The following C12orf71 variants were observed in gnomAD, a reference collection of about 807,000 sequenced individuals.
C12orf71 encodes uncharacterized protein C12orf71.
C12orf71 carries 10 observed loss-of-function variants against 11.7 expected under a neutral mutation model. That is an observed-to-expected ratio of 0.86 (90% confidence interval 0.53 to 1.45). The LOEUF is 1.45. Among genes scored for constraint, C12orf71 ranks in the 40% most tolerant of loss-of-function variants. The pLI is 0.00. For missense variants in C12orf71, 293 were observed against 325.8 expected, an observed-to-expected ratio of 0.90 and a Z score of 0.78; for synonymous variants, 110 against 123.4, an observed-to-expected ratio of 0.89 and a Z score of 0.72.
upstream of C12orf71, among the ~76,000 whole-genome samples, chr12:27,083,162 G>A (rs1325657688): frequency 6.6e-6 from 1 of 152,034 alleles, no homozygotes; most frequent in Non-Finnish European, 1.5e-5. Flanking sequence ...GAAAGGTCTT[G>A]ACCTGACCTC....
rs1433889121 is a variant in C12orf71 at position 27,082,149 on chromosome 12, T to G, written c.335A>C (p.Asp112Ala). The G allele has an allele frequency of 6.2e-7, 1 of 1,613,852 alleles. No individual in the cohort carries two copies. Among genetic ancestry groups the G allele is most frequent in the South Asian group, 1.1e-5 (1 of 91,034 alleles). ...DSRANRLLNG[D>A]NLWIDKLPKE... ...TGGTAACTTGTCTATCCACAGGTTG[T>G]CTCCATTTAGAAGCCTATTAGCTCT... The change falls in exon 1 of 2, where the codon GAC becomes GCC. Residue 112 changes from aspartate (D) to alanine (A), a missense_variant. Asp to Ala is a moderately radical substitution (Grantham distance 126, BLOSUM62 -2). Coordinates refer to ENST00000429849, the MANE Select transcript of C12orf71 (RefSeq NM_001080406.2).
At chr12:27,083,107 A>AT (rs1941951383), upstream of C12orf71, among the ~76,000 whole-genome samples, 1 of 151,682 alleles carries the variant, frequency 6.6e-6, no homozygotes, top group Admixed American at 6.6e-5. Context: ...TGCCCAGCTA[A>AT]TTTTTTGTAT....
Position 27,082,378 on chromosome 12 carries a change from C to T in C12orf71, c.106G>A (p.Glu36Lys), listed in dbSNP as rs889074014. Residue 36 changes from glutamate to lysine, a missense_variant, in exon 1 of 2, where the codon GAG becomes AAG. Physicochemically the swap from Glu to Lys is moderately conservative, Grantham distance 56. Coordinates refer to ENST00000429849, the MANE Select transcript of C12orf71 (RefSeq NM_001080406.2). The stretch of plus-strand genomic sequence containing the variant: ...GCATCTTCCCAGGAGGTTGTGTCCT[C>T]ACAGGGGGTGTCCTCACAGGGGAAA... ...GYFPCEDTPC[E>K]DTTSWEDAPS... 6.3e-7 allele frequency: 1 copy of T among 1,582,624 alleles called. No individual in the cohort carries two copies. Among genetic ancestry groups the T allele is most frequent in the Non-Finnish European group, 8.6e-7 (1 of 1,167,548 alleles).
chr12:27,081,990 C>A lies in C12orf71; in HGVS notation c.494G>T (p.Gly165Val). Residue 165 changes from glycine (G) to valine (V), a missense_variant, in exon 1 of 2, where the codon GGC becomes GTC. By Grantham distance (109) the Gly-to-Val change is moderately radical (BLOSUM62 -3). Transcript: ENST00000429849. ...TAQQDFQLSSGSPPEMVQMIS... is the reference protein window; with the variant it reads ...TAQQDFQLSSVSPPEMVQMIS... ...GACCTGAACCATTTCCGGAGGGGAG[C>A]CGCTGGATAGCTGGAAATCTTGCTG... The A allele has an allele frequency of 6.3e-7, 1 of 1,583,966 alleles. No individual in the cohort carries two copies. Among genetic ancestry groups the A allele is most frequent in the African/African-American group, 1.3e-5 (1 of 74,544 alleles).
At position 27,082,021 on chromosome 12, in the gene C12orf71, T is replaced by A. The variant is rs1356696589; in HGVS notation, c.463A>T (p.Thr155Ser). 6.3e-7 allele frequency: 1 copy of A among 1,591,680 alleles called. No homozygotes were observed. Among genetic ancestry groups the A allele is most frequent in the Admixed American group, 1.8e-5 (1 of 56,538 alleles). Residue 155 changes from threonine (T) to serine (S), a missense_variant, in exon 1 of 2, where the codon ACT (threonine) becomes TCT (serine). Transcript: ENST00000429849. ...LKDDDAVFPE[T>S]AQQDFQLSSG... is the part of the protein sequence containing the mutation. Reference sequence around the variant, plus strand: ...GATAGCTGGAAATCTTGCTGAGCAGTTTCAGGAAATACAGCGTCATCATCT... The same window carrying A: ...GATAGCTGGAAATCTTGCTGAGCAGATTCAGGAAATACAGCGTCATCATCT...
At position 27,081,178 on chromosome 12, in the gene C12orf71, A is replaced by G; in HGVS notation, c.806T>C (p.Ile269Thr). The G allele has an allele frequency of 1.9e-6, 3 of 1,607,634 alleles. No individual in the cohort carries two copies. The highest frequency in any genetic ancestry group is 1.7e-6 in the Non-Finnish European group (2 of 1,175,566). Reference sequence around the variant, plus strand: ...CCAAAAAGTTTAAAAATCTGTCTATATGGGATGTCCTAATTCAAGGGTTTC... The same window carrying G: ...CCAAAAAGTTTAAAAATCTGTCTATGTGGGATGTCCTAATTCAAGGGTTTC... ...PQETLELGHPI is the reference protein window; with the variant it reads ...PQETLELGHPT Residue 269 changes from isoleucine to threonine, a missense_variant, in exon 2 of 2, where the codon ATA becomes ACA. Coordinates refer to ENST00000429849, the MANE Select transcript of C12orf71 (RefSeq NM_001080406.2).
At chr12:27,083,920 G>A (rs1393590548), upstream of C12orf71, among the ~76,000 whole-genome samples, 1 of 152,230 alleles carries the variant, frequency 6.6e-6, no homozygotes, top group Admixed American at 6.5e-5. Context: ...CCCAGAGTAA[G>A]TAGGGCTGGA....
At chr12:27,082,683 C>T (rs1941947929), upstream of C12orf71, among the ~76,000 whole-genome samples, 1 of 150,942 alleles carries the variant, frequency 6.6e-6, no homozygotes, top group South Asian at 2.1e-4. Flanking sequence ...GATCTTGGCT[C>T]ACTGCAACCT....
rs1301433935 is a variant in C12orf71, at chr12:27,081,259, T to C, written c.725A>G (p.His242Arg). ...DHPVNATKSP[H>R]RSAPTKRLFH... ...GAGTCTTTTCGTTGGTGCTGACCGATGGGGACTTTTGGTGGCATTCACAGG... is the reference window on the plus strand; with the variant it reads ...GAGTCTTTTCGTTGGTGCTGACCGACGGGGACTTTTGGTGGCATTCACAGG... The change falls in exon 2 of 2, where the codon CAT (histidine) becomes CGT (arginine). Residue 242 changes from histidine (H) to arginine (R), a missense_variant. Coordinates refer to ENST00000429849, the MANE Select transcript of C12orf71 (RefSeq NM_001080406.2). The C allele has an allele frequency of 1.9e-6, 3 of 1,613,964 alleles. No individual in the cohort carries two copies. The Admixed American group carries it at 5.0e-5, about 27-fold the overall frequency.
At position 27,082,105 on chromosome 12, in the gene C12orf71, A is replaced by G; in HGVS notation, c.379T>C (p.Ser127Pro). 2 of 1,612,698 alleles carry G rather than the reference A, an allele frequency of 1.2e-6. No individual in the cohort carries two copies. The highest frequency in any genetic ancestry group is 1.7e-6 in the Non-Finnish European group (2 of 1,179,242). ...ACAAGATTATTCAGTTTGCCAACAG[A>G]CAGTTTTGTTCTCTCTTTTGGTAAC... ...DKLPKERTKL[S>P]VGKLNNLVQE... Residue 127 changes from serine (S) to proline (P), a missense_variant, in exon 1 of 2, where the codon TCT (serine) becomes CCT (proline). Ser to Pro is a moderately conservative substitution (Grantham distance 74, BLOSUM62 -1). Transcript: ENST00000429849.
rs1941940224 is a variant in C12orf71 at position 27,082,081 on chromosome 12, C to A, written c.403G>T (p.Val135Leu). Residue 135 changes from valine to leucine, a missense_variant, in exon 1 of 2, where the codon GTG becomes TTG. Physicochemically the swap from Val to Leu is conservative, Grantham distance 32. Transcript: ENST00000429849. ...KLSVGKLNNL[V>L]QEFQIFLENL... ...TCTAGAAATATCTGAAACTCTTGCA[C>A]AAGATTATTCAGTTTGCCAACAGAC... 2 of 1,609,980 alleles carry A rather than the reference C, an allele frequency of 1.2e-6. No individual in the cohort carries two copies. The highest frequency in any genetic ancestry group is 1.7e-6 in the Non-Finnish European group (2 of 1,177,738).
chr12:27,082,157 T>C lies in C12orf71; in HGVS notation c.327A>G (p.Leu109=), dbSNP rs747819090. 6 of 1,613,842 alleles carry C rather than the reference T, an allele frequency of 3.7e-6. No individual in the cohort carries two copies. The highest frequency in any genetic ancestry group is 5.1e-6 in the Non-Finnish European group (6 of 1,179,860). Residue 109 remains leucine (L), a synonymous_variant, in exon 1 of 2, where the codon CTA becomes CTG. Coordinates refer to ENST00000429849, the MANE Select transcript of C12orf71 (RefSeq NM_001080406.2). ...TGTCTATCCACAGGTTGTCTCCATT[T>C]AGAAGCCTATTAGCTCTTGAGTCTG... ...DNTDSRANRL[L]NGDNLWIDKL...
chr12:27,082,134 T>C lies in C12orf71; in HGVS notation c.350A>G (p.Asp117Gly), dbSNP rs1941940733. 1 of 1,613,494 alleles carries C rather than the reference T, an allele frequency of 6.2e-7. No individual in the cohort carries two copies. Among genetic ancestry groups the C allele is most frequent in the African/African-American group, 1.3e-5 (1 of 74,920 alleles). ...RLLNGDNLWI[D>G]KLPKERTKLS... ...TTTTGTTCTCTCTTTTGGTAACTTG[T>C]CTATCCACAGGTTGTCTCCATTTAG... The change falls in exon 1 of 2, where the codon GAC becomes GGC. Residue 117 changes from aspartate to glycine, a missense_variant. Coordinates refer to ENST00000429849, the MANE Select transcript of C12orf71 (RefSeq NM_001080406.2).
At chr12:27,081,648 C>T (rs144906837) in intron 1 of C12orf71, among the ~76,000 whole-genome samples, 181 bp from the exon 2 acceptor site, 5 of 152,206 alleles carry the variant, frequency 3.3e-5, no homozygotes, top group South Asian at 2.1e-4. Flanking sequence ...TATAGTTAGC[C>T]CTTCTCCTTG....
chr12:27,081,477 A>G lies in C12orf71; in HGVS notation c.517-10T>C. On this transcript the variant is annotated splice_polypyrimidine_tract_variant and intron_variant, in intron 1 of 1. Transcript: ENST00000429849. ...TTGCCTGGCTTATCATCTGCCATGA[A>G]AATGAAGGATGTGTTAGGTAGGAAT... 1.9e-6 allele frequency: 3 copies of G among 1,602,550 alleles called. No individual in the cohort carries two copies. In the Middle Eastern group the frequency reaches 5.0e-4, roughly 267 times the overall value.
At chr12:27,083,383 A>G (rs1009841858), upstream of C12orf71, among the ~76,000 whole-genome samples, 1 of 152,248 alleles carries the variant, frequency 6.6e-6, no homozygotes, top group Non-Finnish European at 1.5e-5. Flanking sequence ...AAGATCTTGT[A>G]TCATAAAAGA....
upstream of C12orf71, among the ~76,000 whole-genome samples, chr12:27,083,542 A>G (rs1223553580): frequency 1.3e-5 from 2 of 152,226 alleles, no homozygotes; most frequent in Non-Finnish European, 2.9e-5. Flanking sequence ...AAACACACAT[A>G]TACATATCTG....
At chr12:27,084,023 CACGTGGAAGAAGTGCTGCTA>C (rs1941958147), upstream of C12orf71, among the ~76,000 whole-genome samples, 1 of 152,162 alleles carries the variant, frequency 6.6e-6, no homozygotes, top group African/African-American at 2.4e-5. Context: ...GGTGGCTGCC[CACGTGGAAGAAGTGCTGCTA>C]ACTCCTGAGG....
rs545680328 is a variant in C12orf71 at position 27,081,526 on chromosome 12, C to T, written c.517-59G>A. 2.3e-5 allele frequency: 35 copies of T among 1,517,932 alleles called. No homozygotes were observed. The Middle Eastern group carries it at 1.2e-3, about 54-fold the overall frequency. The allele number at this position is 1,517,932 out of a possible 1,614,324, so 94.0% of individuals were successfully genotyped here. The stretch of plus-strand genomic sequence containing the variant: ...ATAACCATGACAACAGCCAAATCAA[C>T]GTTTACTCATTTGTGGAACTCACAT... On this transcript the variant is annotated intron_variant, in intron 1 of 1. Transcript: ENST00000429849.
Sources: gnomAD v4.1 joint callset for allele counts (sites outside exome capture counted in the v4.1 genomes callset) on GRCh38, gnomAD v4.1.1 for gene constraint, MANE v1.5 for transcripts, NCBI Gene and HGNC (gene_info 2026-07-23, HGNC 2026-07-21) for gene names.